Variants in ANKRD55 observed in about 807,000 individuals in gnomAD.
ANKRD55 encodes the protein ankyrin repeat domain 55.
A neutral mutation model predicts 60.6 loss-of-function variants in ANKRD55; 41 were observed. That is an observed-to-expected ratio of 0.68 (90% CI 0.53 to 0.88). The LOEUF (loss-of-function observed/expected upper bound fraction) is 0.88. Ranked by LOEUF, ANKRD55 falls within the 40% of genes least tolerant of loss-of-function variation. The pLI is 0.00. For synonymous variants in ANKRD55, 264 were observed against 290.3 expected (o/e 0.91, Z 0.92); for missense variants, 732 against 767.6 (o/e 0.95, Z 0.55).
chr5:56,151,461 A>G (rs374953957), intron 6 of ANKRD55, among the ~76,000 whole-genome samples: 1 of 152,298 alleles, frequency 6.6e-6, no homozygotes, highest in African/African-American at 2.4e-5. Flanking sequence ...ATAAAATAAC[A>G]TGACTTTTTC....
intron 2 of ANKRD55, among the ~76,000 whole-genome samples, chr5:56,209,745 G>A (rs1261098638): frequency 2.0e-5 from 3 of 152,164 alleles, no homozygotes; most frequent in African/African-American, 7.2e-5. Flanking sequence ...GATTACAGGC[G>A]TGAGCCACCG....
At chr5:56,102,398 A>G in intron 11 of ANKRD55, 96 bp downstream of exon 11, 1 of 996,504 alleles carries the variant, frequency 1.0e-6, no homozygotes, top group East Asian at 2.7e-5. Context: ...CTCAAAAAAA[A>G]AAAAAGAAAA....
chr5:56,144,368 G>A (rs1361734027), intron 6 of ANKRD55, among the ~76,000 whole-genome samples: 1 of 152,186 alleles, frequency 6.6e-6, no homozygotes, highest in Non-Finnish European at 1.5e-5. Flanking sequence ...AAGCACAGAG[G>A]CAGAGAGTAA....
At chr5:56,164,166 T>C (rs1466649481) in intron 5 of ANKRD55, among the ~76,000 whole-genome samples, 1 of 152,212 alleles carries the variant, frequency 6.6e-6, no homozygotes, top group Non-Finnish European at 1.5e-5. Flanking sequence ...TTCTATTTTC[T>C]GGGTCTCCAC....
intron 2 of ANKRD55, chr5:56,193,680 C>T (rs1215932125): frequency 2.6e-5 from 6 of 227,742 alleles, no homozygotes; most frequent in Non-Finnish European, 4.5e-5. Context: ...TCTAGCATTG[C>T]CCTGAAGAAG....
chr5:56,196,433 T>C (rs1471866525), intron 2 of ANKRD55, among the ~76,000 whole-genome samples: 2 of 152,258 alleles, frequency 1.3e-5, no homozygotes, highest in Non-Finnish European at 2.9e-5. Context: ...TACTGTGTGC[T>C]AACTATTGTG....
At chr5:56,144,017 G>A (rs996033980) in intron 6 of ANKRD55, 88 bp from the exon 7 acceptor site, 1 of 1,553,144 alleles carries the variant, frequency 6.4e-7, no homozygotes, top group Non-Finnish European at 8.8e-7. Flanking sequence ...AGGCCTGGGG[G>A]CCATCACCAG....
intron 2 of ANKRD55, among the ~76,000 whole-genome samples, chr5:56,209,433 C>G (rs1163069243): frequency 7.3e-5 from 11 of 150,800 alleles, no homozygotes; most frequent in African/African-American, 2.7e-4. Flanking sequence ...TGTTGCTATT[C>G]TGAATAATAC....
intron 2 of ANKRD55, among the ~76,000 whole-genome samples, chr5:56,192,137 C>T (rs1420448170): frequency 6.6e-6 from 1 of 152,006 alleles, no homozygotes; most frequent in East Asian, 1.9e-4. Context: ...CTCTCTCTTT[C>T]TCATCTATTT....
At chr5:56,121,052 G>A (rs535293166) in intron 8 of ANKRD55, among the ~76,000 whole-genome samples, 85 of 152,288 alleles carry the variant, frequency 5.6e-4, no homozygotes, top group Non-Finnish European at 1.0e-3. Flanking sequence ...GGGACCACAG[G>A]CAGGCCAAGA....
At chr5:56,178,127 C>T (rs573724187) in intron 3 of ANKRD55, among the ~76,000 whole-genome samples, 29 of 152,110 alleles carry the variant, frequency 1.9e-4, no homozygotes, top group Non-Finnish European at 2.8e-4. Context: ...TACCTGGTAC[C>T]GGGAAGATAT....
intron 3 of ANKRD55, among the ~76,000 whole-genome samples, chr5:56,178,322 G>T (rs1258890755): frequency 1.3e-5 from 2 of 151,510 alleles, no homozygotes; most frequent in Admixed American, 1.3e-4. Context: ...CTCAACGTAC[G>T]GGGATTACCG....
chr5:56,219,337 G>A (rs1441564915), intron 2 of ANKRD55, among the ~76,000 whole-genome samples: 1 of 150,536 alleles, frequency 6.6e-6, no homozygotes, highest in Non-Finnish European at 1.5e-5. Flanking sequence ...TTATATGCAT[G>A]TATCTTAAGT....
At chr5:56,144,787 C>T (rs1175484738) in intron 6 of ANKRD55, among the ~76,000 whole-genome samples, 1 of 152,152 alleles carries the variant, frequency 6.6e-6, no homozygotes, top group Non-Finnish European at 1.5e-5. Flanking sequence ...TATAATTTAA[C>T]ATTAAGTGAG....
chr5:56,225,758 A>G (rs1023585923), intron 2 of ANKRD55, among the ~76,000 whole-genome samples: 1 of 152,158 alleles, frequency 6.6e-6, no homozygotes, highest in African/African-American at 2.4e-5. Context: ...AATAAAATAC[A>G]TAGGAAACCA....
At chr5:56,184,230 T>A (rs1188743737) in intron 2 of ANKRD55, among the ~76,000 whole-genome samples, 2 of 152,192 alleles carry the variant, frequency 1.3e-5, no homozygotes, top group Non-Finnish European at 2.9e-5. Context: ...TGCCTTCCCC[T>A]AGTGCCGTGT....
At chr5:56,165,291 C>T (rs989505606) in intron 5 of ANKRD55, among the ~76,000 whole-genome samples, 4 of 152,162 alleles carry the variant, frequency 2.6e-5, no homozygotes, top group African/African-American at 4.8e-5. Flanking sequence ...CCTGTGTGCC[C>T]GGCAGTAGGA....
intron 8 of ANKRD55, among the ~76,000 whole-genome samples, chr5:56,124,875 G>A (rs949454812): frequency 3.3e-5 from 5 of 152,166 alleles, no homozygotes; most frequent in Admixed American, 6.5e-5. Context: ...TTTTGCTGCA[G>A]AAAACGTGGA....
intron 8 of ANKRD55, chr5:56,125,690 A>G (rs1757227012): frequency 6.6e-6 from 1 of 152,200 alleles, no homozygotes; most frequent in African/African-American, 2.4e-5. Flanking sequence ...GAGTTAAAAG[A>G]ATTTCAGGTA....
Sources: allele counts gnomAD v4.1 joint callset (sites outside exome capture counted in the v4.1 genomes callset), GRCh38; gene constraint gnomAD v4.1.1; transcripts MANE v1.5; gene names NCBI Gene and HGNC (gene_info 2026-07-23, HGNC 2026-07-21).